The following OXCT1 variants were observed in gnomAD, a reference collection of about 807,000 sequenced individuals.
The protein encoded by OXCT1 is 3-oxoacid CoA-transferase 1, also known as succinyl-CoA:3-ketoacid coenzyme A transferase 1, mitochondrial.
A neutral mutation model predicts 69.6 loss-of-function variants in OXCT1; 27 were observed. That is an observed-to-expected ratio of 0.39 (90% CI 0.29 to 0.54). OXCT1 has a LOEUF of 0.54. OXCT1 is among the 20% of genes least tolerant of loss of function. OXCT1 has a pLI of 0.72. For synonymous variants in OXCT1, 202 were observed against 217.8 expected (o/e 0.93, Z 0.64); for missense variants, 437 against 650.2 (o/e 0.67, Z 3.57).
intron 7 of OXCT1, among the ~76,000 whole-genome samples, chr5:41,820,573 A>ATGTTTGT (rs1186086805): frequency 1.3e-5 from 2 of 152,292 alleles, no homozygotes; most frequent in Admixed American, 1.3e-4. Context: ...AAACATGCTT[A>ATGTTTGT]ATGTTTTATG....
At chr5:41,807,556 T>G in intron 7 of OXCT1, 118 bp from the exon 8 acceptor site, 1 of 686,330 alleles carries the variant, frequency 1.5e-6, no homozygotes, top group Non-Finnish European at 2.6e-6. Context: ...TGACGGAATA[T>G]GGACATATAT....
chr5:41,817,805 C>T (rs929370935), intron 7 of OXCT1, among the ~76,000 whole-genome samples: 7 of 152,156 alleles, frequency 4.6e-5, no homozygotes, highest in African/African-American at 1.4e-4. Context: ...TTAAAAGGCA[C>T]ACCTTGAGAT....
At chr5:41,741,076 G>A (rs2112005009) in intron 15 of OXCT1, among the ~76,000 whole-genome samples, 1 of 151,662 alleles carries the variant, frequency 6.6e-6, no homozygotes, top group Non-Finnish European at 1.5e-5. Context: ...TCAGCCTCCT[G>A]AGTAGCTGGG....
At chr5:41,817,900 C>A (rs1436132086) in intron 7 of OXCT1, among the ~76,000 whole-genome samples, 1 of 152,182 alleles carries the variant, frequency 6.6e-6, no homozygotes, top group South Asian at 2.1e-4. Context: ...ATTATCAAGT[C>A]TCTCAATGCA....
Position 41,853,737 on chromosome 5 carries a change from A to G in OXCT1, c.279-183T>C, listed in dbSNP as rs536838783. ...CAAGGTAGCTATCCTTTTATTTTAC[A>G]GTTGAGGAAACTAAAAGTCAAGAAG... On this transcript the variant is annotated intron_variant, in intron 3 of 16. Transcript: ENST00000196371. The G allele has an allele frequency of 3.9e-4, 276 of 712,964 alleles. 1 individual carries two copies. The highest frequency in any genetic ancestry group is 5.9e-4 in the Non-Finnish European group (242 of 407,652). The allele number at this position is 712,964 out of a possible 1,614,324, so 44.2% of individuals were successfully genotyped here. A position where few individuals can be genotyped will look rare whatever the true frequency, so the allele number is the denominator to read the frequency against.
At chr5:41,817,304 GC>G (rs1392613482) in intron 7 of OXCT1, among the ~76,000 whole-genome samples, 1 of 152,102 alleles carries the variant, frequency 6.6e-6, no homozygotes, top group Non-Finnish European at 1.5e-5. Context: ...TGTGGTTTCA[GC>G]CCTAACATCA....
intron 13 of OXCT1, among the ~76,000 whole-genome samples, chr5:41,766,069 T>C (rs1469396168): frequency 4.6e-5 from 7 of 152,174 alleles, no homozygotes; most frequent in Non-Finnish European, 1.0e-4. Context: ...ACACAAAGTA[T>C]GGCTTTCTTT....
At chr5:41,834,549 T>C (rs2112377545) in intron 7 of OXCT1, among the ~76,000 whole-genome samples, 1 of 146,202 alleles carries the variant, frequency 6.8e-6, no homozygotes, top group South Asian at 2.1e-4. Context: ...ACAAAATAGA[T>C]TTCAAGAGAA....
At chr5:41,809,933 A>T (rs1432865510) in intron 7 of OXCT1, among the ~76,000 whole-genome samples, 4 of 152,088 alleles carry the variant, frequency 2.6e-5, no homozygotes, top group Non-Finnish European at 5.9e-5. Flanking sequence ...AGCATTTGTC[A>T]AAATAACAAC....
At chr5:41,741,644 T>A (rs921718711) in intron 15 of OXCT1, among the ~76,000 whole-genome samples, 3 of 152,144 alleles carry the variant, frequency 2.0e-5, no homozygotes, top group Non-Finnish European at 4.4e-5. Flanking sequence ...CTGATTAATA[T>A]TTTTCCCCAG....
intron 5 of OXCT1, among the ~76,000 whole-genome samples, chr5:41,846,209 C>A (rs1040139236): frequency 2.0e-5 from 3 of 150,260 alleles, no homozygotes; most frequent in Non-Finnish European, 4.4e-5. Context: ...TATACATGTG[C>A]CATGCTGGTG....
At position 41,731,703 on chromosome 5, in the gene OXCT1, C is replaced by A. The variant is rs190436225; in HGVS notation, c.*26G>T. On this transcript the variant is annotated 3_prime_UTR_variant, in exon 17 of 17. Transcript: ENST00000196371. ...TCTTGTGTGTTTAAAATGAAAAACACGCAGCCTGGTACAAATATCCATATT... is the reference window on the plus strand; with the variant it reads ...TCTTGTGTGTTTAAAATGAAAAACAAGCAGCCTGGTACAAATATCCATATT... The A allele has an allele frequency of 6.3e-7, 1 of 1,596,004 alleles. No individual in the cohort carries two copies. The highest frequency in any genetic ancestry group is 8.5e-7 in the Non-Finnish European group (1 of 1,170,162).
intron 7 of OXCT1, among the ~76,000 whole-genome samples, chr5:41,840,146 A>T (rs762495966): frequency 6.6e-6 from 1 of 152,198 alleles, no homozygotes; most frequent in Non-Finnish European, 1.5e-5. Context: ...CACATACATA[A>T]ATTCATCTTG....
At chr5:41,787,417 G>A (rs1307815413) in intron 13 of OXCT1, among the ~76,000 whole-genome samples, 1 of 152,026 alleles carries the variant, frequency 6.6e-6, no homozygotes. Flanking sequence ...GCAAGCTGCA[G>A]TACAGGAAGT....
At chr5:41,857,039 T>G (rs1749460616) in intron 3 of OXCT1, among the ~76,000 whole-genome samples, 1 of 152,112 alleles carries the variant, frequency 6.6e-6, no homozygotes, top group Admixed American at 6.6e-5. Context: ...AGCCCAAAAC[T>G]AACGCAGCGA....
At chr5:41,738,063 AAT>A (rs1375316560) in intron 16 of OXCT1, among the ~76,000 whole-genome samples, 2 of 152,204 alleles carry the variant, frequency 1.3e-5, no homozygotes, top group African/African-American at 4.8e-5. Context: ...TTAAAAAAAA[AAT>A]GTGTTATGCA....
intron 11 of OXCT1, among the ~76,000 whole-genome samples, chr5:41,800,091 A>G (rs544926552): frequency 4.6e-5 from 7 of 152,268 alleles, no homozygotes; most frequent in African/African-American, 1.7e-4. Flanking sequence ...TGCCTCAAGC[A>G]TAGGCAGTGA....
chr5:41,860,122 G>A (rs1327677038), intron 3 of OXCT1, among the ~76,000 whole-genome samples: 2 of 151,800 alleles, frequency 1.3e-5, no homozygotes, highest in African/African-American at 4.8e-5. Flanking sequence ...ATGTTTAAGA[G>A]TTATCGAGTT....
At chr5:41,784,443 A>G (rs993262106) in intron 13 of OXCT1, among the ~76,000 whole-genome samples, 1 of 152,226 alleles carries the variant, frequency 6.6e-6, no homozygotes, top group Non-Finnish European at 1.5e-5. Flanking sequence ...ATATCCTTCA[A>G]ACCACAACAG....
Sources: gnomAD v4.1 joint callset for allele counts (sites outside exome capture counted in the v4.1 genomes callset) on GRCh38, gnomAD v4.1.1 for gene constraint, MANE v1.5 for transcripts, NCBI Gene and HGNC (gene_info 2026-07-23, HGNC 2026-07-21) for gene names.